AFG2A: variants seen among roughly 807,000 people sequenced by gnomAD.
AFG2A encodes the protein ATPase family gene 2 protein homolog A.
chr4:123,063,625 A>G, the AFG2A span, among the ~76,000 whole-genome samples: 1 of 152,092 alleles, frequency 6.6e-6, no homozygotes, highest in Non-Finnish European at 1.5e-5. Flanking sequence ...AGACGCCTGT[A>G]GTCCCAGTTA....
At chr4:123,045,924 C>T in the AFG2A span, among the ~76,000 whole-genome samples, 290 of 151,780 alleles carry the variant, frequency 1.9e-3, no homozygotes, top group African/African-American at 6.6e-3. Flanking sequence ...AGTGGAACCC[C>T]GTCTCTACTA....
At chr4:123,080,451 AT>A in the AFG2A span, among the ~76,000 whole-genome samples, 1 of 152,152 alleles carries the variant, frequency 6.6e-6, no homozygotes, top group African/African-American at 2.4e-5. Flanking sequence ...AATTTATGTT[AT>A]TTTGCTCTGG....
chr4:123,290,984 G>A, the AFG2A span, among the ~76,000 whole-genome samples: 5 of 152,244 alleles, frequency 3.3e-5, no homozygotes, highest in South Asian at 4.1e-4. Flanking sequence ...CTGGAGTTAG[G>A]TGCATATTTA....
chr4:122,923,271 C>CG, the AFG2A span: 1 of 1,614,086 alleles, frequency 6.2e-7, no homozygotes, highest in Non-Finnish European at 8.5e-7. Flanking sequence ...CGGCAACCTC[C>CG]GGGACTCTGA....
At chr4:123,148,769 A>ATTTTT in the AFG2A span, among the ~76,000 whole-genome samples, 2 of 136,862 alleles carry the variant, frequency 1.5e-5, no homozygotes, top group African/African-American at 5.4e-5. Flanking sequence ...CACACACTCT[A>ATTTTT]TTTTTTTTTT....
the AFG2A span, among the ~76,000 whole-genome samples, chr4:123,107,210 G>T: frequency 6.6e-6 from 1 of 152,212 alleles, no homozygotes; most frequent in East Asian, 1.9e-4. Flanking sequence ...GCAAGTCAGG[G>T]TTGGGGGTGT....
chr4:123,105,750 G>T, the AFG2A span, among the ~76,000 whole-genome samples: 2 of 152,188 alleles, frequency 1.3e-5, no homozygotes, highest in Admixed American at 1.3e-4. Flanking sequence ...GAAGTGGAGT[G>T]TGAAGTTGGG....
chr4:123,260,726 A>G, the AFG2A span, among the ~76,000 whole-genome samples: 1 of 152,236 alleles, frequency 6.6e-6, no homozygotes. Context: ...GATAGGAATA[A>G]GGATTCTAAG....
At chr4:123,119,754 C>T in the AFG2A span, among the ~76,000 whole-genome samples, 16 of 152,074 alleles carry the variant, frequency 1.1e-4, no homozygotes, top group African/African-American at 3.9e-4. Flanking sequence ...TTTATGTCTT[C>T]TGTATTAGTC....
At chr4:123,187,325 CTT>C in the AFG2A span, among the ~76,000 whole-genome samples, 5 of 152,054 alleles carry the variant, frequency 3.3e-5, no homozygotes, top group African/African-American at 1.2e-4. Context: ...CAACTTGAAT[CTT>C]TAGTTGTTCC....
the AFG2A span, among the ~76,000 whole-genome samples, chr4:123,024,464 G>A: frequency 5.9e-5 from 9 of 152,174 alleles, no homozygotes; most frequent in Non-Finnish European, 1.3e-4. Context: ...CAAAAGGAAA[G>A]GTGGTGTAAG....
At chr4:123,244,990 A>G in the AFG2A span, among the ~76,000 whole-genome samples, 1 of 152,256 alleles carries the variant, frequency 6.6e-6, no homozygotes, top group South Asian at 2.1e-4. Context: ...AGTAATATAG[A>G]GAAGAAAATG....
At chr4:122,975,926 T>G in the AFG2A span, among the ~76,000 whole-genome samples, 175 of 152,268 alleles carry the variant, frequency 1.1e-3, no homozygotes, top group African/African-American at 4.1e-3. Flanking sequence ...AGGGGATCTA[T>G]TTTTGGTGTA....
the AFG2A span, among the ~76,000 whole-genome samples, chr4:122,946,875 A>G: frequency 6.6e-6 from 1 of 152,076 alleles, no homozygotes; most frequent in Admixed American, 6.6e-5. Context: ...TGTTTAAAAC[A>G]ATTAAAACAA....
the AFG2A span, among the ~76,000 whole-genome samples, chr4:123,002,688 G>T: frequency 1.3e-5 from 2 of 152,142 alleles, no homozygotes; most frequent in South Asian, 2.1e-4. Flanking sequence ...TTAGTCTGAT[G>T]GGCTTCCCTT....
chr4:123,152,844 G>A, the AFG2A span, among the ~76,000 whole-genome samples: 1 of 152,234 alleles, frequency 6.6e-6, no homozygotes, highest in Admixed American at 6.5e-5. Context: ...AAAGTTGGAA[G>A]CAAGGGATAG....
the AFG2A span, among the ~76,000 whole-genome samples, chr4:123,133,439 C>T: frequency 6.6e-6 from 1 of 151,882 alleles, no homozygotes; most frequent in Non-Finnish European, 1.5e-5. Flanking sequence ...GCATATGTGC[C>T]TAAGAGTCCT....
the AFG2A span, among the ~76,000 whole-genome samples, chr4:123,032,706 G>A: frequency 3.3e-5 from 5 of 152,158 alleles, no homozygotes; most frequent in African/African-American, 9.7e-5. Flanking sequence ...AAGCCACCAC[G>A]CCAGGCCCAA....
the AFG2A span, among the ~76,000 whole-genome samples, chr4:123,023,706 G>C: frequency 3.7e-4 from 56 of 151,970 alleles, no homozygotes; most frequent in East Asian, 0.01. Context: ...TTATCGTCTC[G>C]GGCCACACAT....
Sources: gnomAD v4.1 joint callset for allele counts (sites outside exome capture counted in the v4.1 genomes callset) on GRCh38, gnomAD v4.1.1 for gene constraint, MANE v1.5 for transcripts, NCBI Gene and HGNC (gene_info 2026-07-23, HGNC 2026-07-21) for gene names.